TENM3: variants seen among roughly 807,000 people sequenced by gnomAD.
The protein encoded by TENM3 is teneurin-3.
In TENM3, 63 loss-of-function variants were observed where a neutral mutation model predicts 255.1. The observed-to-expected ratio is 0.25, with a 90% confidence interval of 0.20 to 0.30. The LOEUF (loss-of-function observed/expected upper bound fraction) is 0.30. TENM3 is among the 10% of genes least tolerant of loss of function. TENM3 has a pLI of 1.00. For synonymous variants in TENM3, 1,306 were observed against 1,322.3 expected, an observed-to-expected ratio of 0.99 and a Z score of 0.27; for missense variants, 2,929 against 3,461.1, an observed-to-expected ratio of 0.85 and a Z score of 3.86.
the TENM3 span, among the ~76,000 whole-genome samples, chr4:181,841,744 G>A: frequency 1.3e-5 from 2 of 152,036 alleles, no homozygotes; most frequent in African/African-American, 4.8e-5. Context: ...AGAAAATGTG[G>A]CATAAGGCTG....
intron 3 of TENM3, among the ~76,000 whole-genome samples, chr4:182,511,100 C>T (rs985573386): frequency 9.9e-5 from 15 of 152,176 alleles, no homozygotes; most frequent in African/African-American, 3.1e-4. Context: ...AAGGGACCAA[C>T]GTACAATCCA....
intron 5 of TENM3, among the ~76,000 whole-genome samples, chr4:182,642,301 T>G (rs1752385388): frequency 6.6e-6 from 1 of 152,168 alleles, no homozygotes; most frequent in South Asian, 2.1e-4. Context: ...CTAACTTAAT[T>G]CTCTCTGTGA....
intron 3 of TENM3, among the ~76,000 whole-genome samples, chr4:182,417,245 G>T (rs1438946049): frequency 1.3e-5 from 2 of 151,820 alleles, no homozygotes; most frequent in Non-Finnish European, 2.9e-5. Flanking sequence ...CATAGTGCTG[G>T]GATTACAGGC....
chr4:182,428,534 T>A (rs1771397650), intron 3 of TENM3, among the ~76,000 whole-genome samples: 1 of 151,534 alleles, frequency 6.6e-6, no homozygotes, highest in Non-Finnish European at 1.5e-5. Context: ...ATTTTATGGA[T>A]GCCAATAGTT....
chr4:181,992,322 G>A, the TENM3 span, among the ~76,000 whole-genome samples: 6 of 152,104 alleles, frequency 3.9e-5, no homozygotes, highest in South Asian at 2.1e-4. Flanking sequence ...TAATGGATGC[G>A]TTCTCTCATT....
chr4:181,864,505 C>T, the TENM3 span, among the ~76,000 whole-genome samples: 1 of 152,144 alleles, frequency 6.6e-6, no homozygotes. Context: ...AACGGTCTAT[C>T]ATCTGAATAA....
At chr4:182,223,181 G>A (rs1755945918) in intron 1 of TENM3, among the ~76,000 whole-genome samples, 1 of 152,072 alleles carries the variant, frequency 6.6e-6, no homozygotes, top group South Asian at 2.1e-4. Flanking sequence ...TCCTTGTTTT[G>A]GTAAAAACAA....
At chr4:181,463,927 T>C in the TENM3 span, among the ~76,000 whole-genome samples, 2 of 152,218 alleles carry the variant, frequency 1.3e-5, no homozygotes, top group Non-Finnish European at 2.9e-5. Flanking sequence ...TTTGGCCTTT[T>C]GACTTAGCAT....
the TENM3 span, among the ~76,000 whole-genome samples, chr4:181,508,789 A>G: frequency 6.6e-6 from 1 of 151,936 alleles, no homozygotes; most frequent in Admixed American, 6.6e-5. Flanking sequence ...CAGGAAGGTC[A>G]AACTCTGACT....
the TENM3 span, among the ~76,000 whole-genome samples, chr4:181,957,902 C>T: frequency 9.2e-5 from 14 of 152,118 alleles, no homozygotes; most frequent in African/African-American, 3.4e-4. Context: ...ATTATAGTTT[C>T]GGATTGTGCT....
the TENM3 span, among the ~76,000 whole-genome samples, chr4:181,454,886 GGTTT>G: frequency 1.3e-5 from 2 of 151,740 alleles, no homozygotes; most frequent in Non-Finnish European, 2.9e-5. Context: ...TCAGATTAAA[GGTTT>G]GTTTAAGTAC....
At chr4:181,581,735 T>G in the TENM3 span, among the ~76,000 whole-genome samples, 674 of 151,888 alleles carry the variant, frequency 4.4e-3, 7 homozygotes, top group African/African-American at 0.015. Context: ...TTACTTTTTT[T>G]TTTTTTTTTT....
At chr4:181,904,530 G>A in the TENM3 span, among the ~76,000 whole-genome samples, 3 of 152,140 alleles carry the variant, frequency 2.0e-5, no homozygotes, top group South Asian at 6.2e-4. Context: ...AAGGATTTCT[G>A]ATCACAATTA....
intron 3 of TENM3, among the ~76,000 whole-genome samples, chr4:182,589,546 CT>C (rs1339769160): frequency 6.7e-6 from 1 of 149,492 alleles, no homozygotes; most frequent in African/African-American, 2.5e-5. Flanking sequence ...CAAATTGCTG[CT>C]TTTTGTTTTG....
At chr4:182,660,873 G>A (rs997372165) in intron 6 of TENM3, among the ~76,000 whole-genome samples, 12 of 152,156 alleles carry the variant, frequency 7.9e-5, no homozygotes, top group Middle Eastern at 3.2e-3. Flanking sequence ...GGAATCGAGC[G>A]AGTTATTACA....
chr4:182,377,949 G>T (rs925793413), intron 3 of TENM3, among the ~76,000 whole-genome samples: 10 of 152,094 alleles, frequency 6.6e-5, no homozygotes, highest in African/African-American at 2.4e-4. Context: ...GAAAAACTGC[G>T]ATTTCGGATG....
At chr4:182,655,334 G>A (rs898621971) in intron 6 of TENM3, among the ~76,000 whole-genome samples, 2 of 152,050 alleles carry the variant, frequency 1.3e-5, no homozygotes, top group Non-Finnish European at 2.9e-5. Context: ...AGAGACAAAC[G>A]CTTATTATGG....
intron 12 of TENM3, among the ~76,000 whole-genome samples, chr4:182,693,161 T>G (rs1385860863): frequency 1.3e-5 from 2 of 152,182 alleles, no homozygotes; most frequent in African/African-American, 4.8e-5. Flanking sequence ...ATTTGTTAAT[T>G]AATTCATTTA....
intron 3 of TENM3, among the ~76,000 whole-genome samples, chr4:182,457,655 A>C (rs1437526109): frequency 1.4e-5 from 2 of 142,722 alleles, no homozygotes; most frequent in Non-Finnish European, 3.0e-5. Flanking sequence ...ACTCCTAGGC[A>C]CAAGTGATCC....
Sources: gnomAD v4.1 joint callset for allele counts (sites outside exome capture counted in the v4.1 genomes callset) on GRCh38, gnomAD v4.1.1 for gene constraint, MANE v1.5 for transcripts, NCBI Gene and HGNC (gene_info 2026-07-23, HGNC 2026-07-21) for gene names.